Variants in GC observed in about 807,000 individuals in gnomAD.
GC encodes the protein GC vitamin D binding protein, also known as vitamin D-binding protein.
A neutral mutation model predicts 56.7 loss-of-function variants in GC; 43 were observed. The observed-to-expected ratio is 0.76, with a 90% CI of 0.59 to 0.98. The LOEUF is 0.98. Among genes scored for constraint, GC ranks in the 50% least tolerant of loss-of-function variants. The pLI, the probability that GC is intolerant of heterozygous loss-of-function variation, is 0.00. For synonymous variants in GC, 216 were observed against 202.7 expected (o/e 1.07, Z -0.56); for missense variants, 529 against 545.9 (o/e 0.97, Z 0.31).
At chr4:71,776,435 A>G (rs1462620525) in intron 1 of GC, among the ~76,000 whole-genome samples, 1 of 151,818 alleles carries the variant, frequency 6.6e-6, no homozygotes, top group African/African-American at 2.4e-5. Context: ...ATTATATCAT[A>G]TATGGAATCT....
Position 71,755,119 on chromosome 4 carries a change from G to A in GC, c.1035-12C>T. The stretch of plus-strand genomic sequence containing the variant: ...GTTCAAATGTATACCTAGCATGAGG[G>A]AGAAAAGGAGATATGTGTTATATAT... On this transcript the variant is annotated splice_polypyrimidine_tract_variant and intron_variant, in intron 8 of 12. Coordinates refer to ENST00000273951, the MANE Select transcript of GC (RefSeq NM_000583.4). The A allele has an allele frequency of 7.1e-7, 1 of 1,417,970 alleles. No individual in the cohort carries two copies. Among genetic ancestry groups the A allele is most frequent in the East Asian group, 2.5e-5 (1 of 39,738 alleles). 87.8% of individuals were successfully genotyped at this position (1,417,970 alleles called of 1,614,324 possible).
At chr4:71,744,678 T>C (rs537458777) in intron 12 of GC, among the ~76,000 whole-genome samples, 1 of 152,152 alleles carries the variant, frequency 6.6e-6, no homozygotes, top group South Asian at 2.1e-4. Flanking sequence ...ATCAAAGTTA[T>C]CATATAGCTT....
Position 71,755,018 on chromosome 4 carries a change from C to T in GC, c.1124G>A (p.Cys375Tyr). Residue 375 changes from cysteine to tyrosine, a missense_variant, in exon 9 of 13, where the codon TGC becomes TAC. Physicochemically the swap from Cys to Tyr is radical, Grantham distance 194. Coordinates refer to ENST00000273951, the MANE Select transcript of GC (RefSeq NM_000583.4). ...GGTAGTTGAGTCTTCAACATCACAGCATTCACCAAGGCTTTTTAGGGTTGG... is the reference window on the plus strand; with the variant it reads ...GGTAGTTGAGTCTTCAACATCACAGTATTCACCAAGGCTTTTTAGGGTTGG... ...LEPTLKSLGE[C>Y]CDVEDSTTCF... 1 of 1,597,830 alleles carries T rather than the reference C, an allele frequency of 6.3e-7. No individual in the cohort carries two copies. The highest frequency in any genetic ancestry group is 1.1e-5 in the South Asian group (1 of 88,900).
chr4:71,771,066 A>G (rs1742326145), intron 1 of GC, among the ~76,000 whole-genome samples: 1 of 152,122 alleles, frequency 6.6e-6, no homozygotes, highest in African/African-American at 2.4e-5. Flanking sequence ...ATATCTTTGG[A>G]AAAAAATGTA....
chr4:71,755,121 GA>G lies in GC; in HGVS notation c.1035-15del. The G allele has an allele frequency of 2.1e-6, 3 of 1,408,926 alleles. No individual in the cohort carries two copies. The highest frequency in any genetic ancestry group is 1.5e-5 in the African/African-American group (1 of 67,254). 87.3% of individuals were successfully genotyped at this position (1,408,926 alleles called of 1,614,324 possible). On this transcript the variant is annotated splice_polypyrimidine_tract_variant and intron_variant, in intron 8 of 12. Transcript: ENST00000273951. ...TCAAATGTATACCTAGCATGAGGGA[GA>G]AAAGGAGATATGTGTTATATATTTC...
chr4:71,781,435 C>T (rs1226370565), intron 1 of GC, among the ~76,000 whole-genome samples: 1 of 150,496 alleles, frequency 6.6e-6, no homozygotes, highest in Non-Finnish European at 1.5e-5. Context: ...GAAAAAAATG[C>T]AAAAAAAATA....
intron 6 of GC, among the ~76,000 whole-genome samples, chr4:71,759,087 A>G (rs1741879664): frequency 6.6e-6 from 1 of 152,140 alleles, no homozygotes; most frequent in South Asian, 2.1e-4. Context: ...AAAGTCCTCA[A>G]GGTTCATCCT....
At chr4:71,749,601 T>C (rs1741482215) in intron 11 of GC, among the ~76,000 whole-genome samples, 1 of 152,208 alleles carries the variant, frequency 6.6e-6, no homozygotes, top group African/African-American at 2.4e-5. Flanking sequence ...TTTATTTTTC[T>C]AGGTTAAGGC....
At chr4:71,792,419 A>G (rs980294718) in intron 1 of GC, among the ~76,000 whole-genome samples, 1 of 152,228 alleles carries the variant, frequency 6.6e-6, no homozygotes, top group Admixed American at 6.5e-5. Flanking sequence ...ATGACCAGTG[A>G]TGATGAGCAT....
intron 1 of GC, among the ~76,000 whole-genome samples, chr4:71,779,093 C>T (rs181786402): frequency 1.3e-5 from 2 of 151,702 alleles, no homozygotes; most frequent in East Asian, 3.9e-4. Context: ...GAACCTGAGT[C>T]TGATGGTAGA....
chr4:71,796,072 C>T (rs1032987586), intron 1 of GC, among the ~76,000 whole-genome samples: 2 of 152,228 alleles, frequency 1.3e-5, no homozygotes, highest in Non-Finnish European at 2.9e-5. Context: ...CGACCTTTCT[C>T]TCTGGCTGCC....
At chr4:71,793,030 G>A (rs1743009852) in intron 1 of GC, among the ~76,000 whole-genome samples, 1 of 151,964 alleles carries the variant, frequency 6.6e-6, no homozygotes, top group Non-Finnish European at 1.5e-5. Context: ...ATCTCTGTTG[G>A]GGTACGGGTA....
chr4:71,791,574 A>G (rs1434991152), intron 1 of GC, among the ~76,000 whole-genome samples: 3 of 151,996 alleles, frequency 2.0e-5, no homozygotes, highest in Non-Finnish European at 4.4e-5. Context: ...ATATCTCTAC[A>G]TTTATTTACT....
chr4:71,771,084 T>C (rs1172914654), intron 1 of GC, among the ~76,000 whole-genome samples: 1 of 152,198 alleles, frequency 6.6e-6, no homozygotes, highest in Non-Finnish European at 1.5e-5. Context: ...GTAGGAAGTA[T>C]ATAAATTGCT....
At chr4:71,784,130 A>G, upstream of GC, 2 of 1,453,334 alleles carry the variant, frequency 1.4e-6, no homozygotes, top group Non-Finnish European at 9.1e-7. Flanking sequence ...CTATGAATTA[A>G]TCAATTATTA....
At chr4:71,774,574 G>A (rs972543780) in intron 1 of GC, among the ~76,000 whole-genome samples, 16 of 151,864 alleles carry the variant, frequency 1.1e-4, no homozygotes, top group African/African-American at 3.9e-4. Context: ...TAATTTGGAC[G>A]CTTAGAACAC....
At chr4:71,774,944 T>A (rs1416047125) in intron 1 of GC, among the ~76,000 whole-genome samples, 1 of 151,916 alleles carries the variant, frequency 6.6e-6, no homozygotes, top group East Asian at 1.9e-4. Flanking sequence ...GAAAGATTCA[T>A]TATTATTCAT....
intron 1 of GC, among the ~76,000 whole-genome samples, chr4:71,779,196 C>T (rs1742599100): frequency 6.6e-6 from 1 of 151,728 alleles, no homozygotes; most frequent in South Asian, 2.1e-4. Flanking sequence ...CTGGGAATTA[C>T]AGGAAATAAC....
upstream of GC, among the ~76,000 whole-genome samples, chr4:71,805,115 T>C (rs1743334537): frequency 6.6e-6 from 1 of 152,146 alleles, no homozygotes; most frequent in African/African-American, 2.4e-5. Context: ...CTAGCATGCC[T>C]TCTTCCAGGA....
Sources: gnomAD v4.1 joint callset for allele counts (sites outside exome capture counted in the v4.1 genomes callset) on GRCh38, gnomAD v4.1.1 for gene constraint, MANE v1.5 for transcripts, NCBI Gene and HGNC (gene_info 2026-07-23, HGNC 2026-07-21) for gene names.